RGS12: variants seen among roughly 807,000 people sequenced by gnomAD.
RGS12 encodes the protein regulator of G-protein signaling 12.
In RGS12, 66 loss-of-function variants were observed where a neutral mutation model predicts 120.1. The ratio of observed to expected loss-of-function variants is 0.55; its 90% CI spans 0.45 to 0.67. The LOEUF is 0.67. RGS12 is among the 30% of genes least tolerant of loss of function. The pLI is 0.00. For missense variants in RGS12, 1,859 were observed against 1,957.7 expected (o/e 0.95, Z 0.95); for synonymous variants, 827 against 804.7 (o/e 1.03, Z -0.47).
At chr4:3,333,348 C>T (rs1306640685) in intron 2 of RGS12, among the ~76,000 whole-genome samples, 2 of 152,226 alleles carry the variant, frequency 1.3e-5, no homozygotes, top group Admixed American at 6.5e-5. Context: ...CGTGCCCGGC[C>T]TGGTCTCAAA....
intron 17 of RGS12, among the ~76,000 whole-genome samples, chr4:3,436,742 G>A (rs936941497): frequency 3.9e-5 from 6 of 152,210 alleles, no homozygotes; most frequent in Non-Finnish European, 7.4e-5. Context: ...GAGGCCTGGG[G>A]GCGACCGGCA....
intron 6 of RGS12, among the ~76,000 whole-genome samples, chr4:3,415,773 T>G (rs1577074541): frequency 6.6e-6 from 1 of 152,330 alleles, no homozygotes; most frequent in Middle Eastern, 3.4e-3. Flanking sequence ...TGGGACACTT[T>G]AAGTATCCGT....
At chr4:3,403,024 A>G (rs1236802375) in intron 4 of RGS12, among the ~76,000 whole-genome samples, 3 of 152,212 alleles carry the variant, frequency 2.0e-5, no homozygotes. Context: ...GACAAGTGAC[A>G]TAATTCACTC....
At chr4:3,299,504 G>C (rs1399525119) in intron 1 of RGS12, among the ~76,000 whole-genome samples, 1 of 152,154 alleles carries the variant, frequency 6.6e-6, no homozygotes, top group African/African-American at 2.4e-5. Context: ...GTTGGTTTTT[G>C]TGTCTTGTGT....
At chr4:3,302,595 T>C (rs1322973832) in intron 1 of RGS12, among the ~76,000 whole-genome samples, 1 of 152,200 alleles carries the variant, frequency 6.6e-6, no homozygotes, top group Non-Finnish European at 1.5e-5. Flanking sequence ...TCCTGCCCCT[T>C]GCACGGGGGC....
intron 3 of RGS12, among the ~76,000 whole-genome samples, chr4:3,346,530 A>C (rs1263467289): frequency 1.3e-5 from 2 of 151,924 alleles, no homozygotes; most frequent in African/African-American, 2.4e-5. Flanking sequence ...CAGGAATGGG[A>C]TTTTGTCCCT....
chr4:3,312,529 A>G (rs1724472369), intron 1 of RGS12: 1 of 224,708 alleles, frequency 4.5e-6, no homozygotes, highest in Non-Finnish European at 9.9e-6. Context: ...GGCAAGGAAG[A>G]TCAGCATGTA....
intron 6 of RGS12, 70 bp downstream of exon 6, chr4:3,414,914 G>A (rs1397045736): frequency 3.5e-6 from 4 of 1,127,700 alleles, no homozygotes; most frequent in Non-Finnish European, 5.4e-6. Flanking sequence ...TGAGGGGTGT[G>A]TGAGAGGGCC....
chr4:3,342,827 A>G (rs1713379560), intron 2 of RGS12, 110 bp from the exon 3 acceptor site: 1 of 804,112 alleles, frequency 1.2e-6, no homozygotes, highest in Non-Finnish European at 2.1e-6. Flanking sequence ...CTCTTTTTAA[A>G]AAGTCTTTGT....
intron 2 of RGS12, 56 bp downstream of exon 2, chr4:3,318,107 A>G: frequency 7.4e-7 from 1 of 1,347,084 alleles, no homozygotes; most frequent in South Asian, 1.5e-5. Context: ...CTTAGCAGTC[A>G]CGGGGAGGTG....
intron 4 of RGS12, among the ~76,000 whole-genome samples, chr4:3,394,525 ATACTC>A (rs1719856471): frequency 6.6e-6 from 1 of 152,252 alleles, no homozygotes; most frequent in South Asian, 2.1e-4. Context: ...TCTAATGAGA[ATACTC>A]TATTAGGAAT....
rs368735590 is a variant in RGS12 at position 3,362,603 on chromosome 4, C to T, written c.1998+19550C>T. Among the ~76,000 whole-genome samples the T allele has an allele frequency of 3.6e-3, 361 of 99,718 alleles. 3 individuals carry two copies. Among genetic ancestry groups the T allele is most frequent in the African/African-American group, 0.013 (331 of 25,350 alleles). The allele number at this position is 99,718 out of a possible 152,430, so 65.4% of individuals were successfully genotyped here. ...GGGTGTGAGGGTGTGTGTGAGGGTGCGAGGATGTCGTGAGGGGGTGTGTGT... is the reference window on the plus strand; with the variant it reads ...GGGTGTGAGGGTGTGTGTGAGGGTGTGAGGATGTCGTGAGGGGGTGTGTGT... On this transcript the variant is annotated intron_variant, in intron 3 of 17. Transcript: ENST00000336727.
chr4:3,309,745 T>C (rs1578693828), intron 1 of RGS12, among the ~76,000 whole-genome samples: 1 of 129,130 alleles, frequency 7.7e-6, no homozygotes, highest in Non-Finnish European at 1.6e-5. Flanking sequence ...TGAGGAGAGC[T>C]GAGCAGGAGA....
intron 10 of RGS12, among the ~76,000 whole-genome samples, chr4:3,421,516 T>A (rs1723016080): frequency 6.6e-6 from 1 of 152,252 alleles, no homozygotes; most frequent in Non-Finnish European, 1.5e-5. Context: ...GTTCTGCCCA[T>A]TCTGGCCGGC....
At chr4:3,429,010 C>T (rs892174906) in intron 16 of RGS12, among the ~76,000 whole-genome samples, 2 of 152,228 alleles carry the variant, frequency 1.3e-5, no homozygotes, top group African/African-American at 4.8e-5. Flanking sequence ...CACCCCAGCT[C>T]CTCCCTATGG....
intron 4 of RGS12, among the ~76,000 whole-genome samples, chr4:3,406,101 A>T (rs534923764): frequency 1.4e-4 from 21 of 152,016 alleles, no homozygotes; most frequent in Non-Finnish European, 2.8e-4. Context: ...CCCTCACAAC[A>T]GCCCTGCAAG....
At chr4:3,302,189 T>C (rs907826955) in intron 1 of RGS12, among the ~76,000 whole-genome samples, 3 of 152,308 alleles carry the variant, frequency 2.0e-5, no homozygotes, top group African/African-American at 7.2e-5. Flanking sequence ...ATCAGGAAGT[T>C]TCATCAGCTG....
Position 3,317,684 on chromosome 4 carries a change from C to A in RGS12, c.1514C>A (p.Ala505Asp). The change falls in exon 2 of 18, where the codon GCC (alanine) becomes GAC (aspartate). Residue 505 changes from alanine (A) to aspartate (D), a missense_variant. This residue lies in a region of RGS12 where 967 missense variants were observed against 994.2 expected (regional missense o/e 0.97). Transcript: ENST00000336727. Reference sequence around the variant, plus strand: ...GACCTAAACAAGCACCTAGGGCCAGCCTCTCCTGTGGAGGTGCCCCCAGCT... The same window carrying A: ...GACCTAAACAAGCACCTAGGGCCAGACTCTCCTGTGGAGGTGCCCCCAGCT... Reference protein sequence around the residue: ...FWDLNKHLGPASPVEVPPASL... With the variant: ...FWDLNKHLGPDSPVEVPPASL... The A allele has an allele frequency of 6.2e-7, 1 of 1,610,670 alleles. No homozygotes were observed. Among genetic ancestry groups the A allele is most frequent in the Non-Finnish European group, 8.5e-7 (1 of 1,178,016 alleles).
At chr4:3,437,704 C>G (rs1354105798) in intron 17 of RGS12, among the ~76,000 whole-genome samples, 1 of 152,134 alleles carries the variant, frequency 6.6e-6, no homozygotes, top group African/African-American at 2.4e-5. Context: ...ACCCCTGGGC[C>G]TCCAGATGGC....
Sources: gnomAD v4.1 joint callset for allele counts (sites outside exome capture counted in the v4.1 genomes callset) on GRCh38, gnomAD v4.1.1 for gene constraint, gnomAD v4.1.1 regional missense constraint, MANE v1.5 for transcripts, NCBI Gene and HGNC (gene_info 2026-07-23, HGNC 2026-07-21) for gene names.